Variants in RBFOX3 observed in about 807,000 individuals in gnomAD.
The protein encoded by RBFOX3 is RNA binding protein fox-1 homolog 3.
A neutral mutation model predicts 48.7 loss-of-function variants in RBFOX3; 17 were observed. The observed-to-expected ratio is 0.35, with a 90% CI of 0.24 to 0.52. The LOEUF is 0.52. RBFOX3 is among the 20% of genes least tolerant of loss of function. The pLI, the probability that RBFOX3 is intolerant of heterozygous loss-of-function variation, is 0.94. For missense variants in RBFOX3, 382 were observed against 497.5 expected, an observed-to-expected ratio of 0.77 and a Z score of 2.21; for synonymous variants, 212 against 209.5, an observed-to-expected ratio of 1.01 and a Z score of -0.10.
At chr17:79,097,201 C>G in intron 11 of RBFOX3, 91 bp downstream of exon 11, 4 of 1,153,656 alleles carry the variant, frequency 3.5e-6, no homozygotes, top group Non-Finnish European at 4.8e-6. Context: ...GAAAGGCTGC[C>G]TAGCCCCTCG....
At chr17:79,369,808 G>A (rs1479914343) in intron 2 of RBFOX3, among the ~76,000 whole-genome samples, 2 of 152,282 alleles carry the variant, frequency 1.3e-5, no homozygotes, top group East Asian at 1.9e-4. Flanking sequence ...CTGATGGATG[G>A]AGATTTGGTC....
chr17:79,188,386 C>T (rs185527053), intron 4 of RBFOX3, among the ~76,000 whole-genome samples: 126 of 152,358 alleles, frequency 8.3e-4, no homozygotes, highest in Non-Finnish European at 1.4e-3. Flanking sequence ...AAGTAAAAAT[C>T]GGCGTGCAAA....
intron 3 of RBFOX3, among the ~76,000 whole-genome samples, chr17:79,302,182 C>T (rs2075415931): frequency 6.6e-6 from 1 of 152,234 alleles, no homozygotes; most frequent in Admixed American, 6.5e-5. Flanking sequence ...TCACTGCATG[C>T]CGGGCACTGT....
chr17:79,493,240 G>T (rs956778827), intron 1 of RBFOX3, among the ~76,000 whole-genome samples: 3 of 152,084 alleles, frequency 2.0e-5, no homozygotes, highest in Non-Finnish European at 2.9e-5. Context: ...CATCACCAAG[G>T]GGGTGGTACT....
At chr17:79,485,077 G>C (rs1025378659) in intron 1 of RBFOX3, among the ~76,000 whole-genome samples, 1 of 112,550 alleles carries the variant, frequency 8.9e-6, no homozygotes, top group African/African-American at 3.2e-5. Context: ...CTCCTGCCCC[G>C]CTGCTCTCTC....
chr17:79,606,488 A>G (rs1374471686), intron 1 of RBFOX3, among the ~76,000 whole-genome samples: 3 of 152,136 alleles, frequency 2.0e-5, no homozygotes, highest in African/African-American at 7.2e-5. Context: ...AATGCAACTG[A>G]TAGACTGAGC....
chr17:79,463,502 ATCGCCACTGCCACCT>A (rs2075805508), intron 2 of RBFOX3, among the ~76,000 whole-genome samples: 1 of 120,930 alleles, frequency 8.3e-6, no homozygotes, highest in Non-Finnish European at 1.8e-5. Flanking sequence ...TGCCACTGCC[ATCGCCACTGCCACCT>A]CCACCATCGC....
Position 79,280,151 on chromosome 17 carries a change from G to GCACACA in RBFOX3, c.-74+27567_-74+27572dup, listed in dbSNP as rs10650243. Among the ~76,000 whole-genome samples the GCACACA allele has an allele frequency of 8.0e-5, 12 of 149,916 alleles. No individual in the cohort carries two copies. In the East Asian group the frequency reaches 1.4e-3, roughly 18 times the overall value. On this transcript the variant is annotated intron_variant, in intron 3 of 14. Coordinates refer to ENST00000693108, the MANE Select transcript of RBFOX3 (RefSeq NM_001350451.2). ...ACATACATGTCACACACATGTGCGTGCACACACACACGCACACACCACTCA... is the reference window on the plus strand; with the variant it reads ...ACATACATGTCACACACATGTGCGTGCACACACACACACACACGCACACACCACTCA...
chr17:79,157,226 C>T (rs2046014786), intron 4 of RBFOX3, among the ~76,000 whole-genome samples: 2 of 152,208 alleles, frequency 1.3e-5, no homozygotes, highest in African/African-American at 4.8e-5. Flanking sequence ...CCACTCTGTC[C>T]TCACGCTCCC....
At chr17:79,194,763 T>G (rs898297309) in intron 4 of RBFOX3, among the ~76,000 whole-genome samples, 1 of 149,298 alleles carries the variant, frequency 6.7e-6, no homozygotes, top group Non-Finnish European at 1.5e-5. Context: ...GGTGTGTGTG[T>G]GTGTGTGTGT....
rs554421798 is a variant in RBFOX3 at position 79,469,835 on chromosome 17, C to T, written c.-175+12619G>A. On this transcript the variant is annotated intron_variant, in intron 2 of 14. Coordinates refer to ENST00000693108, the MANE Select transcript of RBFOX3 (RefSeq NM_001350451.2). ...ATGAGGGAGAGCTCGCATGGGGGAGCACGTGCACGGAGGAGAGGGTGCACA... is the reference window on the plus strand; with the variant it reads ...ATGAGGGAGAGCTCGCATGGGGGAGTACGTGCACGGAGGAGAGGGTGCACA... 2.9e-4 allele frequency among the ~76,000 whole-genome samples: 44 copies of T among 152,280 alleles called. 1 individual carries two copies. The South Asian group carries it at 8.3e-3, about 29-fold the overall frequency.
chr17:79,474,800 G>C (rs1037082772), intron 2 of RBFOX3, among the ~76,000 whole-genome samples: 2 of 151,954 alleles, frequency 1.3e-5, no homozygotes, highest in South Asian at 4.2e-4. Flanking sequence ...AGAGCCCCAC[G>C]CATCACTAAC....
chr17:79,495,513 G>A (rs868931861), intron 1 of RBFOX3, among the ~76,000 whole-genome samples: 394 of 19,552 alleles, frequency 0.02, 41 homozygotes, highest in African/African-American at 0.06. Context: ...AGAGGGTGGG[G>A]AGGTGGGGGA....
Position 79,214,561 on chromosome 17 carries a change from T to TG in RBFOX3, c.-34+21204dup, listed in dbSNP as rs535678048. ...GGGCAGGCCAAGTGGGAGGGATGTC[T>TG]GGGGGGGGTCTCGGAGGAAGCAGGA... is the stretch of plus-strand genomic sequence containing the variant. On this transcript the variant is annotated intron_variant, in intron 4 of 14. Coordinates refer to ENST00000693108, the MANE Select transcript of RBFOX3 (RefSeq NM_001350451.2). This position sits in a 1 kb window ranked among gnomAD's most constrained non-coding sequence, Gnocchi z 4.7. Among the ~76,000 whole-genome samples the TG allele has an allele frequency of 6.2e-3, 843 of 136,718 alleles. 8 individuals are homozygous for TG. The highest frequency in any genetic ancestry group is 0.019 in the Middle Eastern group (5 of 266). 89.7% of individuals were successfully genotyped at this position (136,718 alleles called of 152,430 possible).
At chr17:79,641,933 TTA>T in the RBFOX3 span, among the ~76,000 whole-genome samples, 1 of 152,186 alleles carries the variant, frequency 6.6e-6, no homozygotes, top group African/African-American at 2.4e-5. Flanking sequence ...TCCACCATGA[TTA>T]TAAGTTTCCT....
intron 1 of RBFOX3, among the ~76,000 whole-genome samples, chr17:79,555,376 G>C (rs1276011134): frequency 9.3e-4 from 2 of 2,150 alleles, no homozygotes; most frequent in Admixed American, 9.1e-3. Context: ...GATGATGGTA[G>C]TTGTGGTGGT....
intron 2 of RBFOX3, among the ~76,000 whole-genome samples, chr17:79,405,362 T>C (rs1304809495): frequency 2.6e-5 from 4 of 152,208 alleles, no homozygotes; most frequent in East Asian, 3.8e-4. Context: ...CTTCCCCCGA[T>C]ACTTCAGCGA....
intron 1 of RBFOX3, among the ~76,000 whole-genome samples, chr17:79,499,148 T>C (rs1408023167): frequency 3.7e-5 from 5 of 134,202 alleles, no homozygotes; most frequent in East Asian, 2.5e-4. Context: ...ATCCATTCAC[T>C]CATCCACCCA....
At chr17:79,244,444 G>C (rs1455751082) in intron 3 of RBFOX3, among the ~76,000 whole-genome samples, 1 of 152,186 alleles carries the variant, frequency 6.6e-6, no homozygotes, top group Non-Finnish European at 1.5e-5. Context: ...CTCCCAGTTT[G>C]TGGTCATCTG....
Sources: allele counts gnomAD v4.1 joint callset (sites outside exome capture counted in the v4.1 genomes callset), GRCh38; gene constraint gnomAD v4.1.1; non-coding constraint Gnocchi (gnomAD v3.1); transcripts MANE v1.5; gene names NCBI Gene and HGNC (gene_info 2026-07-23, HGNC 2026-07-21).